The following EXOC6B variants were observed in gnomAD, a reference collection of about 807,000 sequenced individuals.
The protein encoded by EXOC6B is SEC15 homolog B.
EXOC6B carries 54 observed loss-of-function variants against 113.5 expected under a neutral mutation model. The ratio of observed to expected loss-of-function variants is 0.48; its 90% CI spans 0.38 to 0.60. The LOEUF is 0.60. EXOC6B is among the 20% of genes least tolerant of loss of function. EXOC6B has a pLI of 0.00. For synonymous variants in EXOC6B, 357 were observed against 339.0 expected (o/e 1.05, Z -0.58); for missense variants, 797 against 977.5 (o/e 0.82, Z 2.46).
At chr2:72,486,633 C>T (rs1233720427) in intron 16 of EXOC6B, among the ~76,000 whole-genome samples, 1 of 152,128 alleles carries the variant, frequency 6.6e-6, no homozygotes, top group East Asian at 1.9e-4. Flanking sequence ...CACCATAATA[C>T]TTACCCAACC....
chr2:72,686,409 A>C (rs1165226503), intron 6 of EXOC6B, among the ~76,000 whole-genome samples: 1 of 152,196 alleles, frequency 6.6e-6, no homozygotes, highest in Non-Finnish European at 1.5e-5. Flanking sequence ...AGAAAGAGAG[A>C]GATACTCTCT....
intron 5 of EXOC6B, among the ~76,000 whole-genome samples, chr2:72,718,673 C>T (rs1679796468): frequency 6.6e-6 from 1 of 152,132 alleles, no homozygotes; most frequent in Non-Finnish European, 1.5e-5. Flanking sequence ...GCCGGGTCAA[C>T]ACAGTAAAAC....
intron 20 of EXOC6B, among the ~76,000 whole-genome samples, chr2:72,309,302 A>G (rs1687063435): frequency 6.6e-6 from 1 of 152,178 alleles, no homozygotes; most frequent in African/African-American, 2.4e-5. Flanking sequence ...TTTGGTGCCA[A>G]GTTAATGATA....
chr2:72,518,727 T>C (rs1701342653), intron 8 of EXOC6B, among the ~76,000 whole-genome samples: 1 of 152,024 alleles, frequency 6.6e-6, no homozygotes, highest in African/African-American at 2.4e-5. Context: ...AGGTGTAAAG[T>C]ACAGGGCTGA....
At chr2:72,224,036 A>AT (rs1053678826) in intron 20 of EXOC6B, among the ~76,000 whole-genome samples, 1 of 151,938 alleles carries the variant, frequency 6.6e-6, no homozygotes, top group Non-Finnish European at 1.5e-5. Flanking sequence ...TTAAGCTCCA[A>AT]TTTTTTTCCA....
At chr2:72,431,432 C>T (rs1300948726) in intron 18 of EXOC6B, among the ~76,000 whole-genome samples, 1 of 151,988 alleles carries the variant, frequency 6.6e-6, no homozygotes, top group Non-Finnish European at 1.5e-5. Flanking sequence ...CTGTGTCAGC[C>T]GCCTGGAGAG....
rs1025433168 is a variant in EXOC6B, at chr2:72,705,504, A to C, written c.669+12599T>G. ...GTTTTCAAAAATTTACAGATACTTTAAAGTTCAAATAAAGATCCATTATCA... is the reference window on the plus strand; with the variant it reads ...GTTTTCAAAAATTTACAGATACTTTCAAGTTCAAATAAAGATCCATTATCA... On this transcript the variant is annotated intron_variant, in intron 6 of 21. Coordinates refer to ENST00000272427, the MANE Select transcript of EXOC6B (RefSeq NM_015189.3). Among the ~76,000 whole-genome samples the C allele has an allele frequency of 6.4e-4, 98 of 152,174 alleles. 2 individuals carry two copies. The highest frequency in any genetic ancestry group is 6.3e-3 in the Admixed American group (96 of 15,270).
At chr2:72,197,031 G>A (rs1037071075) in intron 20 of EXOC6B, among the ~76,000 whole-genome samples, 3 of 152,144 alleles carry the variant, frequency 2.0e-5, no homozygotes, top group Non-Finnish European at 4.4e-5. Context: ...AAACAGAAGA[G>A]AATGAAGGGA....
intron 1 of EXOC6B, among the ~76,000 whole-genome samples, chr2:72,774,421 G>A (rs1267969329): frequency 1.3e-5 from 2 of 152,090 alleles, no homozygotes; most frequent in Non-Finnish European, 2.9e-5. Flanking sequence ...ATACTGGTGA[G>A]AATGAAGAGA....
At chr2:72,545,272 G>A (rs578243279) in intron 8 of EXOC6B, among the ~76,000 whole-genome samples, 1 of 151,962 alleles carries the variant, frequency 6.6e-6, no homozygotes, top group South Asian at 2.1e-4. Flanking sequence ...AGGCTGATGT[G>A]TATCTTTTTT....
intron 17 of EXOC6B, among the ~76,000 whole-genome samples, chr2:72,467,125 T>G (rs1698106234): frequency 6.6e-6 from 1 of 152,212 alleles, no homozygotes; most frequent in Non-Finnish European, 1.5e-5. Flanking sequence ...TAATATAATG[T>G]CTCCATGAGG....
intron 19 of EXOC6B, among the ~76,000 whole-genome samples, chr2:72,347,566 A>G (rs532525264): frequency 3.3e-5 from 5 of 152,224 alleles, no homozygotes; most frequent in Non-Finnish European, 7.3e-5. Context: ...TAGAAGACAC[A>G]TTACAAAAAG....
intron 3 of EXOC6B, 88 bp from the exon 4 acceptor site, chr2:72,731,333 T>A: frequency 1.0e-6 from 1 of 1,004,928 alleles, no homozygotes; most frequent in Non-Finnish European, 1.5e-6. Flanking sequence ...GTTCAATTCA[T>A]CAGAAAATCC....
intron 6 of EXOC6B, among the ~76,000 whole-genome samples, chr2:72,662,844 T>C (rs182590673): frequency 6.4e-4 from 98 of 152,224 alleles, no homozygotes; most frequent in Non-Finnish European, 1.1e-3. Flanking sequence ...GTTCAAGTGA[T>C]TCTCCTGCCT....
At chr2:72,479,983 G>A (rs955358088) in intron 17 of EXOC6B, among the ~76,000 whole-genome samples, 1 of 152,040 alleles carries the variant, frequency 6.6e-6, no homozygotes, top group African/African-American at 2.4e-5. Context: ...TGGGTGGATC[G>A]CTTGAACCCA....
intron 11 of EXOC6B, among the ~76,000 whole-genome samples, chr2:72,502,069 A>C (rs1700353533): frequency 6.6e-6 from 1 of 152,172 alleles, no homozygotes; most frequent in Non-Finnish European, 1.5e-5. Context: ...GGCCTAAAAA[A>C]ACTCTTAAAC....
At chr2:72,408,054 A>C (rs944809962) in intron 18 of EXOC6B, among the ~76,000 whole-genome samples, 9 of 139,676 alleles carry the variant, frequency 6.4e-5, no homozygotes, top group Non-Finnish European at 1.2e-4. Flanking sequence ...AATCACAACC[A>C]TTCTTATACA....
intron 20 of EXOC6B, among the ~76,000 whole-genome samples, chr2:72,269,886 G>A (rs1345693296): frequency 1.3e-5 from 2 of 152,132 alleles, no homozygotes. Flanking sequence ...GGTTGAGGAA[G>A]CATTTTTCAA....
chr2:72,498,883 G>C (rs1275700234), intron 12 of EXOC6B, among the ~76,000 whole-genome samples: 1 of 152,050 alleles, frequency 6.6e-6, no homozygotes, highest in Non-Finnish European at 1.5e-5. Flanking sequence ...TCACAGAAGG[G>C]AGAGAAAGTA....
Sources: allele counts gnomAD v4.1 joint callset (sites outside exome capture counted in the v4.1 genomes callset), GRCh38; gene constraint gnomAD v4.1.1; transcripts MANE v1.5; gene names NCBI Gene and HGNC (gene_info 2026-07-23, HGNC 2026-07-21).